Variants in SPTBN4 observed in about 807,000 individuals in gnomAD.
The protein encoded by SPTBN4 is spectrin beta, non-erythrocytic 4.
In SPTBN4, 96 loss-of-function variants were observed where a neutral mutation model predicts 277.8. The ratio of observed to expected loss-of-function variants is 0.35; its 90% CI spans 0.29 to 0.41. The LOEUF (loss-of-function observed/expected upper bound fraction) is 0.41, where lower values mean the gene tolerates loss of function less well. Among genes scored for constraint, SPTBN4 ranks in the 10% least tolerant of loss-of-function variants. SPTBN4 has a pLI of 1.00. For missense variants in SPTBN4, 3,006 were observed against 3,595.7 expected (o/e 0.84, Z 4.19); for synonymous variants, 1,481 against 1,580.3 (o/e 0.94, Z 1.49).
At chr19:40,556,995 T>C (rs777314703) in intron 25 of SPTBN4, 28 bp from the exon 26 acceptor site, 1 of 1,484,798 alleles carries the variant, frequency 6.7e-7, no homozygotes, top group Non-Finnish European at 9.0e-7. Context: ...CACTTTGCTG[T>C]ACCCCCCCCC....
intron 11 of SPTBN4, 26 bp from the exon 12 acceptor site, chr19:40,503,804 G>T (rs969924958): frequency 6.4e-7 from 1 of 1,558,790 alleles, no homozygotes; most frequent in South Asian, 1.2e-5. Context: ...AGGCAGCATG[G>T]GTGAGTGTCT....
intron 16 of SPTBN4, among the ~76,000 whole-genome samples, chr19:40,520,771 G>C (rs1446550714): frequency 6.6e-6 from 1 of 152,176 alleles, no homozygotes; most frequent in Non-Finnish European, 1.5e-5. Flanking sequence ...GATCACTCTG[G>C]GATGGGAACC....
rs1403325387 is a variant in SPTBN4, at chr19:40,557,173, G to T, written c.5440G>T (p.Glu1814Ter). 1 of 1,610,908 alleles carries T rather than the reference G, an allele frequency of 6.2e-7. No individual in the cohort carries two copies. Among genetic ancestry groups the T allele is most frequent in the South Asian group, 1.1e-5 (1 of 90,916 alleles). Residue 1814 changes from glutamate to a stop codon, truncating the protein, a stop_gained, in exon 26 of 36, where the codon GAG becomes TAG. Coordinates refer to ENST00000598249, the MANE Select transcript of SPTBN4 (RefSeq NM_020971.3). LOFTEE classifies it high-confidence loss of function. ...TMAEWKDGLN[E>*]AWAELLELMG... ...GGCCGAGTGGAAGGACGGACTGAAC[G>T]AGGCCTGGGCTGAGCTGCTGGAGCT...
At chr19:40,517,393 C>T (rs1194401610) in intron 15 of SPTBN4, among the ~76,000 whole-genome samples, 3 of 151,798 alleles carry the variant, frequency 2.0e-5, no homozygotes, top group African/African-American at 7.3e-5. Context: ...CCGACCCGAG[C>T]TCAAGAAATC....
rs747848984 is a variant in SPTBN4, at chr19:40,515,363, G to C, written c.2818G>C (p.Val940Leu). The C allele has an allele frequency of 1.7e-5, 28 of 1,609,826 alleles. No individual in the cohort carries two copies. The highest frequency in any genetic ancestry group is 2.4e-5 in the Non-Finnish European group (28 of 1,178,302). Reference protein sequence around the residue: ...MNSLMGRVLDVNHTVQELVEG... With the variant: ...MNSLMGRVLDLNHTVQELVEG... ...CAGCCTGATGGGCCGCGTTCTGGAC[G>C]TGAACCACACAGTCCAGGAGCTGGT... The change falls in exon 15 of 36, where the codon GTG becomes CTG. Residue 940 changes from valine (V) to leucine (L), a missense_variant. Around this residue, in one of 5 missense-constraint regions of SPTBN4, gnomAD observed 1,759 missense variants for 2,061.5 expected, o/e 0.85. Transcript: ENST00000598249. This position sits in a 1 kb window ranked among gnomAD's most constrained non-coding sequence, Gnocchi z 4.1.
intron 2 of SPTBN4, among the ~76,000 whole-genome samples, chr19:40,473,978 C>CT (rs1297244810): frequency 1.4e-5 from 2 of 147,556 alleles, no homozygotes; most frequent in Non-Finnish European, 3.0e-5. Flanking sequence ...CCTGTCTCTA[C>CT]TAAAAATAAA....
Position 40,497,072 on chromosome 19 carries a change from CAAAAAAA to C in SPTBN4, c.669-400_669-394del, listed in dbSNP as rs35856852. ...TGGGTGACAGAGCGAGACTCCATCT[CAAAAAAA>C]AAAAAAAAAAAAAAAAGAGGTACAT... On this transcript the variant is annotated intron_variant, in intron 6 of 35. Transcript: ENST00000598249. Among the ~76,000 whole-genome samples, 4 of 59,616 alleles carry C rather than the reference CAAAAAAA, an allele frequency of 6.7e-5. No homozygotes were observed. The East Asian group carries it at 1.8e-3, about 27-fold the overall frequency. 39.1% of individuals were successfully genotyped at this position (59,616 alleles called of 152,430 possible).
chr19:40,513,382 G>T lies in SPTBN4; in HGVS notation c.2593G>T (p.Glu865Ter). 6.2e-7 allele frequency: 1 copy of T among 1,604,310 alleles called. No homozygotes were observed. The stretch of plus-strand genomic sequence containing the variant: ...GGTGGAAGCAGAGCAGTTGTTCGCT[G>T]AGGTGACCGAAGTGGCGGCGCTGAG... ...RVVEAEQLFA[E>*]VTEVAALRRQ... The change falls in exon 14 of 36, where the codon GAG becomes TAG. Residue 865 changes from glutamate (E) to a stop codon, truncating the protein, a stop_gained. Transcript: ENST00000598249. LOFTEE classifies it high-confidence loss of function.
At chr19:40,520,472 A>T (rs1599760161) in intron 16 of SPTBN4, among the ~76,000 whole-genome samples, 1 of 152,130 alleles carries the variant, frequency 6.6e-6, no homozygotes. Context: ...GGGTTCGTGG[A>T]TTATCTGAAA....
chr19:40,512,541 C>A (rs1599750194), intron 13 of SPTBN4, 65 bp from the exon 14 acceptor site: 1 of 1,442,648 alleles, frequency 6.9e-7, no homozygotes, highest in Non-Finnish European at 9.1e-7. Flanking sequence ...GTAGCCCGCA[C>A]CATCCTCTCT....
At position 40,575,456 on chromosome 19, in the gene SPTBN4, G is replaced by C. The variant is rs750536950; in HGVS notation, c.7582G>C (p.Glu2528Gln). Residue 2528 changes from glutamate (E) to glutamine (Q), a missense_variant, in exon 36 of 36, where the codon GAA becomes CAA. This residue lies in a region of SPTBN4 where 630 missense variants were observed against 677.6 expected (regional missense o/e 0.93). Coordinates refer to ENST00000598249, the MANE Select transcript of SPTBN4 (RefSeq NM_020971.3). ...WLEAVASSVAEHAEIARWGQT... is the reference protein window; with the variant it reads ...WLEAVASSVAQHAEIARWGQT... ...GGAGGCTGTAGCTTCCTCGGTGGCG[G>C]AACACGCAGAGATCGCCCGCTGGGG... The C allele has an allele frequency of 4.3e-6, 7 of 1,613,306 alleles. No homozygotes were observed. In the South Asian group the frequency reaches 6.6e-5, roughly 15 times the overall value.
chr19:40,503,308 A>G (rs1352142148), intron 11 of SPTBN4, among the ~76,000 whole-genome samples: 1 of 152,172 alleles, frequency 6.6e-6, no homozygotes, highest in African/African-American at 2.4e-5. Flanking sequence ...CCTAATCTCC[A>G]GGACAGGGGA....
chr19:40,551,287 G>A (rs946458646), intron 22 of SPTBN4, among the ~76,000 whole-genome samples: 1 of 152,124 alleles, frequency 6.6e-6, no homozygotes, highest in East Asian at 1.9e-4. Flanking sequence ...CTACTCTGGA[G>A]GCTGGGGAGG....
Position 40,554,149 on chromosome 19 carries a change from C to T in SPTBN4, c.4677C>T (p.Gly1559=). 2.1e-6 allele frequency: 3 copies of T among 1,444,494 alleles called. No individual in the cohort carries two copies. The highest frequency in any genetic ancestry group is 2.7e-6 in the Non-Finnish European group (3 of 1,115,150). 89.5% of individuals were successfully genotyped at this position (1,444,494 alleles called of 1,614,324 possible). A position where few individuals can be genotyped will look rare whatever the true frequency, so the allele number is the denominator to read the frequency against. ...AVQQHIKKNQ[G]LRREIQAHGP... is the part of the protein sequence containing the mutation. Reference sequence around the variant, plus strand: ...ATCCCCTTACCTCCTGCCCCCAGGGCCTGCGGCGGGAGATCCAGGCGCATG... The same window carrying T: ...ATCCCCTTACCTCCTGCCCCCAGGGTCTGCGGCGGGAGATCCAGGCGCATG... Residue 1559 remains glycine, a splice_region_variant and synonymous_variant, in exon 23 of 36, where the codon GGC becomes GGT. Transcript: ENST00000598249. The surrounding 1 kb of genome is among the most constrained non-coding windows in gnomAD (Gnocchi z 5.7).
Position 40,504,103 on chromosome 19 carries a change from T to A in SPTBN4, c.1636T>A (p.Tyr546Asn), listed in dbSNP as rs749628873. The stretch of plus-strand genomic sequence containing the variant: ...GCAGAAGGTCTTCCAGGAGATGGTG[T>A]ACATGGTGGACTGGATGGAGGAGAT... Reference protein sequence around the residue: ...ALQKVFQEMVYMVDWMEEMQA... With the variant: ...ALQKVFQEMVNMVDWMEEMQA... The change falls in exon 12 of 36, where the codon TAC becomes AAC. Residue 546 changes from tyrosine (Y) to asparagine (N), a missense_variant. Tyr to Asn is a moderately radical substitution (Grantham distance 143). Coordinates refer to ENST00000598249, the MANE Select transcript of SPTBN4 (RefSeq NM_020971.3). The A allele has an allele frequency of 6.6e-7, 1 of 1,508,960 alleles. No individual in the cohort carries two copies. Among genetic ancestry groups the A allele is most frequent in the South Asian group, 1.1e-5 (1 of 89,762 alleles). 93.5% of individuals were successfully genotyped at this position (1,508,960 alleles called of 1,614,324 possible).
At position 40,554,611 on chromosome 19, in the gene SPTBN4, G is replaced by A; in HGVS notation, c.5049G>A (p.Gln1683=). The A allele has an allele frequency of 3.8e-6, 6 of 1,573,956 alleles. No homozygotes were observed. The highest frequency in any genetic ancestry group is 5.2e-6 in the Non-Finnish European group (6 of 1,159,746). ...AAAGCATCGCGCAGCTGTCGCGCCA[G>A]TGCCGGGCGCTGCTGGAGATGGGGC... The part of the protein sequence containing the change: ...YEESIAQLSR[Q]CRALLEMGHP... The change falls in exon 24 of 36, where the codon CAG becomes CAA. Residue 1683 remains glutamine (Q), a synonymous_variant. Transcript: ENST00000598249. This position sits in a 1 kb window ranked among gnomAD's most constrained non-coding sequence, Gnocchi z 5.7.
chr19:40,516,528 C>A (rs1209796018), intron 15 of SPTBN4, among the ~76,000 whole-genome samples: 1 of 152,048 alleles, frequency 6.6e-6, no homozygotes, highest in African/African-American at 2.4e-5. Context: ...GCTGGTCTTA[C>A]AACTCCTGGG....
rs1044760727 is a variant in SPTBN4, at chr19:40,515,229, T to C, written c.2766-82T>C. ...CTGAAAAGAAGGGTGGATTGAGAAT[T>C]AGGAGTAGAACCAGTAGAAGGTATT... On this transcript the variant is annotated intron_variant, in intron 14 of 35. Transcript: ENST00000598249. This position sits in a 1 kb window ranked among gnomAD's most constrained non-coding sequence, Gnocchi z 4.1. 4 of 1,478,122 alleles carry C rather than the reference T, an allele frequency of 2.7e-6. No individual in the cohort carries two copies. The highest frequency in any genetic ancestry group is 2.9e-5 in the African/African-American group (2 of 69,712). The allele number at this position is 1,478,122 out of a possible 1,614,324, so 91.6% of individuals were successfully genotyped here.
Position 40,502,032 on chromosome 19 carries a change from A to G in SPTBN4, c.896A>G (p.Lys299Arg), listed in dbSNP as rs1447714216. Residue 299 changes from lysine (K) to arginine (R), a missense_variant and splice_region_variant, in exon 8 of 36, where the codon AAG (lysine) becomes AGG (arginine). Lys to Arg is a conservative substitution (Grantham distance 26). Around this residue, in one of 5 missense-constraint regions of SPTBN4, gnomAD observed 1,759 missense variants for 2,061.5 expected, o/e 0.85. Transcript: ENST00000598249. This position sits in a 1 kb window ranked among gnomAD's most constrained non-coding sequence, Gnocchi z 4.9. ...GCTGTGGAGGGGAAGCGTATCGGGA[A>G]GGTATAAGGAGCCAAGGAGTGGGTG... ...ALAVEGKRIGKVLDQVLEVGK... is the reference protein window; with the variant it reads ...ALAVEGKRIGRVLDQVLEVGK... 2.5e-6 allele frequency: 4 copies of G among 1,614,176 alleles called. No homozygotes were observed. Among genetic ancestry groups the G allele is most frequent in the African/African-American group, 1.3e-5 (1 of 75,080 alleles).
Sources: gnomAD v4.1 joint callset for allele counts (sites outside exome capture counted in the v4.1 genomes callset) on GRCh38, gnomAD v4.1.1 for gene constraint, gnomAD v4.1.1 regional missense constraint, Gnocchi (gnomAD v3.1) non-coding constraint, MANE v1.5 for transcripts, NCBI Gene and HGNC (gene_info 2026-07-23, HGNC 2026-07-21) for gene names.